Variants in SUSD6 observed in about 807,000 individuals in gnomAD.
The protein encoded by SUSD6 is sushi domain-containing protein 6.
In SUSD6, 16 loss-of-function variants were observed where a neutral mutation model predicts 28.4. That is an observed-to-expected ratio of 0.56 (90% CI 0.38 to 0.86). SUSD6 has a LOEUF of 0.86. Among genes scored for constraint, SUSD6 ranks in the 40% least tolerant of loss-of-function variants. The pLI, the probability that SUSD6 is intolerant of heterozygous loss-of-function variation, is 0.00. For missense variants in SUSD6, 341 were observed against 384.2 expected (o/e 0.89, Z 0.94); for synonymous variants, 147 against 159.6 (o/e 0.92, Z 0.59).
intron 1 of SUSD6, among the ~76,000 whole-genome samples, chr14:69,618,440 AC>A (rs1302112298): frequency 6.6e-6 from 1 of 152,236 alleles, no homozygotes; most frequent in Non-Finnish European, 1.5e-5. Flanking sequence ...CTTGCTTTCA[AC>A]AGCTAGTCTT....
At chr14:69,625,458 A>T (rs919556385) in intron 1 of SUSD6, among the ~76,000 whole-genome samples, 1 of 152,174 alleles carries the variant, frequency 6.6e-6, no homozygotes, top group South Asian at 2.1e-4. Flanking sequence ...TGACGCCTAC[A>T]TGGTCTCCTT....
intron 2 of SUSD6, among the ~76,000 whole-genome samples, chr14:69,681,704 T>C (rs1415574080): frequency 6.6e-6 from 1 of 152,210 alleles, no homozygotes; most frequent in African/African-American, 2.4e-5. Context: ...AAAAGTAAGA[T>C]AGTAAAATGG....
At chr14:69,680,677 A>G (rs1197766957) in intron 2 of SUSD6, among the ~76,000 whole-genome samples, 3 of 152,072 alleles carry the variant, frequency 2.0e-5, no homozygotes, top group Admixed American at 2.0e-4. Context: ...CTCACCAGGC[A>G]TCTCATTTTT....
intron 2 of SUSD6, among the ~76,000 whole-genome samples, chr14:69,701,817 CT>C (rs933099311): frequency 6.6e-5 from 10 of 151,840 alleles, no homozygotes; most frequent in African/African-American, 2.4e-4. Flanking sequence ...AAAATGGCAT[CT>C]TTTTTTTAGT....
intron 1 of SUSD6, among the ~76,000 whole-genome samples, chr14:69,652,153 A>C (rs188291224): frequency 6.6e-6 from 1 of 152,342 alleles, no homozygotes; most frequent in East Asian, 1.9e-4. Flanking sequence ...TCTCTTAACT[A>C]ATGGACAGAG....
In SUSD6 at chr14:69,708,951, C is replaced by T. The variant is rs138815015; in HGVS notation, c.733C>T (p.Arg245Trp). The T allele has an allele frequency of 6.8e-5, 110 of 1,614,106 alleles. No homozygotes were observed. The African/African-American group carries it at 1.2e-3, about 18-fold the overall frequency. Reference sequence around the variant, plus strand: ...TGGACTATGTGAAGCCTGGGGCTCTCGGGCCTCAGAGACTGTGATGGTGCA... The same window carrying T: ...TGGACTATGTGAAGCCTGGGGCTCTTGGGCCTCAGAGACTGTGATGGTGCA... The part of the protein sequence containing the change: ...QSGLCEAWGS[R>W]ASETVMVHQA... The change falls in exon 5 of 6, where the codon CGG (arginine) becomes TGG (tryptophan). Residue 245 changes from arginine to tryptophan, a missense_variant. Arg to Trp is a moderately radical substitution (Grantham distance 101). Transcript: ENST00000342745.
intron 2 of SUSD6, among the ~76,000 whole-genome samples, chr14:69,677,741 T>C (rs1328834275): frequency 6.6e-6 from 1 of 152,094 alleles, no homozygotes; most frequent in African/African-American, 2.4e-5. Context: ...TTTATTTCTA[T>C]ATTTTGTGAC....
intron 1 of SUSD6, among the ~76,000 whole-genome samples, chr14:69,612,449 TACAG>T (rs1352457536): frequency 6.6e-6 from 1 of 152,046 alleles, no homozygotes; most frequent in Non-Finnish European, 1.5e-5. Context: ...GGCACGTACA[TACAG>T]ACTTTCCTTT....
chr14:69,636,223 A>G (rs531551804), intron 1 of SUSD6, among the ~76,000 whole-genome samples: 53 of 152,350 alleles, frequency 3.5e-4, no homozygotes, highest in African/African-American at 1.2e-3. Context: ...GCGGCAGGCT[A>G]TAGAACCACA....
intron 1 of SUSD6, 98 bp from the exon 2 acceptor site, chr14:69,658,415 C>G: frequency 1.6e-6 from 1 of 631,952 alleles, no homozygotes; most frequent in Non-Finnish European, 2.7e-6. Context: ...AGAATTCTCT[C>G]AACTTTGTGT....
At chr14:69,652,590 T>C (rs372599640) in intron 1 of SUSD6, among the ~76,000 whole-genome samples, 2 of 152,274 alleles carry the variant, frequency 1.3e-5, no homozygotes, top group South Asian at 4.1e-4. Flanking sequence ...TGATAGTGTT[T>C]GATAGTGTGA....
intron 1 of SUSD6, among the ~76,000 whole-genome samples, chr14:69,618,804 A>T (rs1437273002): frequency 6.6e-6 from 1 of 152,208 alleles, no homozygotes; most frequent in Non-Finnish European, 1.5e-5. Context: ...CTCAAATCCT[A>T]AGAGTTTCCA....
At chr14:69,664,775 A>G (rs917663032) in intron 2 of SUSD6, among the ~76,000 whole-genome samples, 5 of 152,138 alleles carry the variant, frequency 3.3e-5, no homozygotes, top group African/African-American at 4.8e-5. Context: ...GTGCCCCACT[A>G]CCCTGCTAAC....
Position 69,658,685 on chromosome 14 carries a change from C to T in SUSD6, c.93C>T (p.Cys31=), listed in dbSNP as rs749431779. ...HGVFLPLVIL[C]TLLGDGLASV... ...TGTTCCTTCCGCTAGTGATCCTTTG[C>T]ACCCTGCTTGGAGACGGACTTGCTT... The change falls in exon 2 of 6, where the codon TGC becomes TGT. Residue 31 remains cysteine (C), a synonymous_variant. Transcript: ENST00000342745. The T allele has an allele frequency of 6.8e-6, 11 of 1,613,964 alleles. No homozygotes were observed. The highest frequency in any genetic ancestry group is 7.6e-6 in the Non-Finnish European group (9 of 1,179,960).
chr14:69,655,298 A>G lies in SUSD6; in HGVS notation c.-80-3215A>G, dbSNP rs146463583. Among the ~76,000 whole-genome samples the G allele has an allele frequency of 2.0e-4, 30 of 152,302 alleles. No individual in the cohort carries two copies. In the East Asian group the frequency reaches 3.9e-3, roughly 20 times the overall value. On this transcript the variant is annotated intron_variant, in intron 1 of 5. Transcript: ENST00000342745. The stretch of plus-strand genomic sequence containing the variant: ...GGTATTCCATTATATTGGGTGTACT[A>G]TAACTTATTTAAGTATACTCCCCTT...
intron 2 of SUSD6, among the ~76,000 whole-genome samples, chr14:69,699,234 C>T (rs1272648412): frequency 1.3e-5 from 2 of 151,994 alleles, no homozygotes; most frequent in Non-Finnish European, 2.9e-5. Context: ...AACAGAGTCT[C>T]ACTTTGTCGC....
intron 1 of SUSD6, among the ~76,000 whole-genome samples, chr14:69,644,433 C>T (rs564077227): frequency 3.5e-4 from 54 of 152,158 alleles, no homozygotes; most frequent in African/African-American, 1.1e-3. Flanking sequence ...TGGCGGATCA[C>T]GAGGTCAAGA....
intron 1 of SUSD6, among the ~76,000 whole-genome samples, chr14:69,644,406 C>G (rs1343110179): frequency 6.6e-6 from 1 of 152,100 alleles, no homozygotes; most frequent in East Asian, 1.9e-4. Flanking sequence ...AATCCCAGCA[C>G]TTTGGTAGGC....
chr14:69,645,505 T>C (rs1885413045), intron 1 of SUSD6, among the ~76,000 whole-genome samples: 1 of 152,192 alleles, frequency 6.6e-6, no homozygotes, highest in South Asian at 2.1e-4. Context: ...TATCCCCAAC[T>C]TTTACCTAGC....
Sources: gnomAD v4.1 joint callset for allele counts (sites outside exome capture counted in the v4.1 genomes callset) on GRCh38, gnomAD v4.1.1 for gene constraint, MANE v1.5 for transcripts, NCBI Gene and HGNC (gene_info 2026-07-23, HGNC 2026-07-21) for gene names.